The following EYS variants were observed in gnomAD, a reference collection of about 807,000 sequenced individuals.
EYS encodes protein eyes shut homolog.
EYS carries 250 observed loss-of-function variants against 282.1 expected under a neutral mutation model. The observed-to-expected ratio is 0.89, with a 90% confidence interval of 0.80 to 0.98. The LOEUF (loss-of-function observed/expected upper bound fraction) is 0.98. EYS is among the 50% of genes least tolerant of loss of function. The probability of loss-of-function intolerance (pLI) is 0.00; values close to 1 mark genes in which losing one functional copy is unlikely to be tolerated. For missense variants in EYS, 4,016 were observed against 3,709.0 expected (o/e 1.08, Z -2.15); for synonymous variants, 1,355 against 1,282.9 (o/e 1.06, Z -1.20).
At chr6:64,640,283 G>A (rs1396868177) in intron 22 of EYS, among the ~76,000 whole-genome samples, 62 of 148,260 alleles carry the variant, frequency 4.2e-4, no homozygotes, top group Non-Finnish European at 6.6e-4. Flanking sequence ...TGTTTATTGC[G>A]GCACTATTCA....
intron 8 of EYS, among the ~76,000 whole-genome samples, chr6:65,382,469 G>GTGTGTC (rs1554190286): frequency 3.4e-5 from 5 of 147,336 alleles, no homozygotes; most frequent in African/African-American, 1.3e-4. Context: ...GTGTGTGTGT[G>GTGTGTC]TGTGTGTGTG....
chr6:64,404,001 A>G lies in EYS; in HGVS notation c.5928-15161T>C, dbSNP rs141812316. Among the ~76,000 whole-genome samples, 644 of 152,174 alleles carry G rather than the reference A, an allele frequency of 4.2e-3. 5 individuals are homozygous for G. The highest frequency in any genetic ancestry group is 0.015 in the African/African-American group (606 of 41,516). The stretch of plus-strand genomic sequence containing the variant: ...TGTGTAGGGCTTACCTTGAAAGTGT[A>G]TTTCTTATATTCTGTGCTGGGGGTG... On this transcript the variant is annotated intron_variant, in intron 28 of 42. Coordinates refer to ENST00000503581, the MANE Select transcript of EYS (RefSeq NM_001142800.2).
chr6:65,592,794 G>C (rs2127369063), intron 2 of EYS, among the ~76,000 whole-genome samples: 1 of 152,052 alleles, frequency 6.6e-6, no homozygotes, highest in African/African-American at 2.4e-5. Context: ...AAGAAGAATG[G>C]TTGGTTTTAT....
chr6:65,506,951 A>G (rs1315509455), intron 2 of EYS, among the ~76,000 whole-genome samples: 1 of 152,158 alleles, frequency 6.6e-6, no homozygotes, highest in African/African-American at 2.4e-5. Flanking sequence ...TCAGGTTATC[A>G]TTATTACTTT....
chr6:64,494,053 T>G (rs1776817028), intron 26 of EYS, among the ~76,000 whole-genome samples: 1 of 151,608 alleles, frequency 6.6e-6, no homozygotes, highest in South Asian at 2.1e-4. Context: ...TAGAGTTGGA[T>G]AATTGTCTTA....
intron 2 of EYS, among the ~76,000 whole-genome samples, chr6:65,573,564 G>A (rs961547291): frequency 1.4e-4 from 21 of 152,126 alleles, no homozygotes; most frequent in Non-Finnish European, 2.4e-4. Flanking sequence ...ATATGTTCAC[G>A]CAGGTATTCT....
intron 33 of EYS, 121 bp from the exon 34 acceptor site, chr6:63,999,304 T>C (rs1336557156): frequency 4.2e-6 from 3 of 710,396 alleles, no homozygotes; most frequent in African/African-American, 1.8e-5. Flanking sequence ...ACAACAATCC[T>C]GAAATATGGA....
chr6:64,844,128 T>C (rs1254916305), intron 19 of EYS, among the ~76,000 whole-genome samples: 1 of 152,144 alleles, frequency 6.6e-6, no homozygotes, highest in Non-Finnish European at 1.5e-5. Context: ...ATTAAACCTC[T>C]CTTTCTTCCA....
chr6:65,466,476 T>C (rs1765005666), intron 5 of EYS, among the ~76,000 whole-genome samples: 1 of 152,108 alleles, frequency 6.6e-6, no homozygotes, highest in Non-Finnish European at 1.5e-5. Context: ...ACAATGTATA[T>C]TTCATATGAA....
In EYS at chr6:63,789,147, T is replaced by G. The variant is rs1208476516; in HGVS notation, c.7489A>C (p.Ile2497Leu). 10 of 1,551,788 alleles carry G rather than the reference T, an allele frequency of 6.4e-6. No homozygotes were observed. The highest frequency in any genetic ancestry group is 8.7e-6 in the Non-Finnish European group (10 of 1,146,968). ...VVYSYNLGSG[I>L]ASIRSEPLNL... ...AGGGGCTCGCTCCTGATGCTTGCTA[T>G]GCCAGACCCCAGGTTATAACTATAA... The change falls in exon 38 of 43, where the codon ATA becomes CTA. Residue 2497 changes from isoleucine to leucine, a missense_variant. Coordinates refer to ENST00000503581, the MANE Select transcript of EYS (RefSeq NM_001142800.2).
intron 22 of EYS, among the ~76,000 whole-genome samples, chr6:64,663,082 T>C (rs1339017171): frequency 2.0e-5 from 3 of 151,086 alleles, no homozygotes; most frequent in African/African-American, 7.3e-5. Flanking sequence ...TAAAAATCTG[T>C]AAGAGTTAAT....
chr6:64,367,082 C>A (rs1772207501), intron 29 of EYS, among the ~76,000 whole-genome samples: 1 of 152,026 alleles, frequency 6.6e-6, no homozygotes, highest in Admixed American at 6.6e-5. Flanking sequence ...CAAGTGATTT[C>A]ACCAAATTTA....
chr6:64,874,773 C>T (rs561775682), intron 19 of EYS, among the ~76,000 whole-genome samples: 59 of 152,098 alleles, frequency 3.9e-4, no homozygotes, highest in African/African-American at 1.4e-3. Context: ...TATAAATTAC[C>T]TTCCATCCCT....
At chr6:63,922,762 A>G (rs1303857573) in intron 35 of EYS, among the ~76,000 whole-genome samples, 2 of 152,202 alleles carry the variant, frequency 1.3e-5, no homozygotes, top group Non-Finnish European at 2.9e-5. Context: ...ATTTTGAGAG[A>G]GTGATTTTAT....
intron 22 of EYS, among the ~76,000 whole-genome samples, chr6:64,679,918 C>T (rs1432169083): frequency 6.6e-6 from 1 of 152,040 alleles, no homozygotes; most frequent in Non-Finnish European, 1.5e-5. Flanking sequence ...ACTTTCTCCC[C>T]TTATATAACT....
chr6:65,132,826 C>T (rs1775917927), intron 12 of EYS, among the ~76,000 whole-genome samples: 2 of 151,744 alleles, frequency 1.3e-5, no homozygotes, highest in African/African-American at 4.8e-5. Flanking sequence ...TAGTCTCAGC[C>T]CAAAAGTTCC....
chr6:63,888,898 G>T (rs983375859), intron 35 of EYS, among the ~76,000 whole-genome samples: 2 of 152,124 alleles, frequency 1.3e-5, no homozygotes, highest in Admixed American at 6.5e-5. Flanking sequence ...CTTGATAAAA[G>T]GTTAGAGAAA....
At position 65,156,282 on chromosome 6, in the gene EYS, C is replaced by T. The variant is rs184929721; in HGVS notation, c.2024-98555G>A. On this transcript the variant is annotated intron_variant, in intron 12 of 42. Transcript: ENST00000503581. ...GACCCAGAGTACTTTTCATTCAATT[C>T]CTATGCTGTCCAATTTCTGGGACTG... Among the ~76,000 whole-genome samples, 944 of 151,256 alleles carry T rather than the reference C, an allele frequency of 6.2e-3. 3 individuals are homozygous for T. Among genetic ancestry groups the T allele is most frequent in the Middle Eastern group, 0.014 (4 of 294 alleles).
chr6:63,995,189 C>A (rs1355401651), intron 34 of EYS, among the ~76,000 whole-genome samples: 3 of 151,772 alleles, frequency 2.0e-5, no homozygotes, highest in African/African-American at 4.8e-5. Flanking sequence ...TGAACAAACA[C>A]ACAAAGCAGA....
Sources: allele counts gnomAD v4.1 joint callset (sites outside exome capture counted in the v4.1 genomes callset), GRCh38; gene constraint gnomAD v4.1.1; transcripts MANE v1.5; gene names NCBI Gene and HGNC (gene_info 2026-07-23, HGNC 2026-07-21).